Variants in ATRNL1 observed in about 807,000 individuals in gnomAD.
ATRNL1 encodes attractin like 1.
Under a neutral mutation model 182.7 loss-of-function variants are expected in ATRNL1, and 95 were observed. That is an observed-to-expected ratio of 0.52 (90% confidence interval 0.44 to 0.62). The LOEUF is 0.62. Ranked by LOEUF, ATRNL1 falls within the 20% of genes least tolerant of loss-of-function variation. The probability of loss-of-function intolerance (pLI) is 0.00; values close to 1 mark genes in which losing one functional copy is unlikely to be tolerated. For missense variants in ATRNL1, 1,471 were observed against 1,679.5 expected (o/e 0.88, Z 2.17); for synonymous variants, 576 against 568.3 (o/e 1.01, Z -0.19).
At chr10:115,504,811 A>G (rs1192311420) in intron 24 of ATRNL1, among the ~76,000 whole-genome samples, 2 of 152,110 alleles carry the variant, frequency 1.3e-5, no homozygotes, top group African/African-American at 4.8e-5. Flanking sequence ...TAAGCCAATT[A>G]GAGATCTTTT....
In ATRNL1 at chr10:115,571,980, A is replaced by G. The variant is rs1249770266; in HGVS notation, c.3795+22444A>G. Among the ~76,000 whole-genome samples the G allele has an allele frequency of 2.0e-5, 3 of 152,076 alleles. No individual in the cohort carries two copies. The South Asian group carries it at 6.2e-4, about 31-fold the overall frequency. On this transcript the variant is annotated intron_variant, in intron 26 of 28. Transcript: ENST00000355044. ...TATACACACATAGAAAAAGCCATGT[A>G]TTGTATGATGTTTATATGAAATGTG...
At chr10:115,704,811 G>A (rs143792557) in intron 26 of ATRNL1, among the ~76,000 whole-genome samples, 2,660 of 151,870 alleles carry the variant, frequency 0.018, 25 homozygotes, top group Non-Finnish European at 0.025. Context: ...AAATATTGGT[G>A]TCTTTCCATT....
intron 8 of ATRNL1, among the ~76,000 whole-genome samples, chr10:115,209,245 TCTCTTTA>T (rs1158038563): frequency 7.5e-4 from 114 of 151,758 alleles, no homozygotes; most frequent in Non-Finnish European, 1.4e-3. Flanking sequence ...TTTATTTCTT[TCTCTTTA>T]CTTCCTACAT....
intron 28 of ATRNL1, among the ~76,000 whole-genome samples, chr10:115,922,772 ATAAG>A (rs1466882993): frequency 2.6e-5 from 4 of 152,244 alleles, no homozygotes; most frequent in African/African-American, 9.6e-5. Context: ...TAATAAGAAA[ATAAG>A]TAAGGCAAGT....
chr10:115,397,722 G>A (rs782459821), intron 20 of ATRNL1, among the ~76,000 whole-genome samples: 3 of 151,922 alleles, frequency 2.0e-5, no homozygotes, highest in Non-Finnish European at 4.4e-5. Context: ...ATCAATAAAA[G>A]CAAAGAAGTA....
chr10:115,154,369 A>G (rs1292805846), intron 5 of ATRNL1, among the ~76,000 whole-genome samples: 3 of 152,110 alleles, frequency 2.0e-5, no homozygotes, highest in African/African-American at 7.2e-5. Flanking sequence ...GTCTCTAAGG[A>G]CATGCTTTAT....
At chr10:115,623,077 ATAACT>A (rs1565222556) in intron 26 of ATRNL1, among the ~76,000 whole-genome samples, 2 of 152,238 alleles carry the variant, frequency 1.3e-5, no homozygotes, top group East Asian at 3.8e-4. Flanking sequence ...AAATTTTAAC[ATAACT>A]TTCTCAGTAA....
At chr10:115,907,489 C>A (rs1952539955) in intron 28 of ATRNL1, among the ~76,000 whole-genome samples, 1 of 152,020 alleles carries the variant, frequency 6.6e-6, no homozygotes, top group Non-Finnish European at 1.5e-5. Flanking sequence ...AGTTTTTACT[C>A]CAAAATAAGA....
chr10:115,207,969 T>A (rs1184516114), intron 8 of ATRNL1, among the ~76,000 whole-genome samples: 6 of 152,126 alleles, frequency 3.9e-5, no homozygotes, highest in South Asian at 2.1e-4. Flanking sequence ...TATCTCAAAC[T>A]CTTATCACTC....
chr10:115,783,840 C>G (rs528930028), intron 27 of ATRNL1, among the ~76,000 whole-genome samples: 1 of 152,180 alleles, frequency 6.6e-6, no homozygotes, highest in South Asian at 2.1e-4. Context: ...CAGTGTAACC[C>G]CGTCTCTACT....
intron 26 of ATRNL1, among the ~76,000 whole-genome samples, chr10:115,583,105 ATC>A (rs1218379076): frequency 2.7e-5 from 4 of 149,890 alleles, no homozygotes; most frequent in Admixed American, 6.7e-5. Context: ...ATTGATCTAT[ATC>A]TCTGTTTTGG....
At chr10:115,695,779 A>T (rs77632186) in intron 26 of ATRNL1, among the ~76,000 whole-genome samples, 4,549 of 152,286 alleles carry the variant, frequency 0.03, 234 homozygotes, top group African/African-American at 0.1. Context: ...CAATAGTTGA[A>T]GAATGAATGC....
chr10:115,720,101 G>T (rs1947376457), intron 26 of ATRNL1, among the ~76,000 whole-genome samples: 1 of 152,080 alleles, frequency 6.6e-6, no homozygotes, highest in South Asian at 2.1e-4. Flanking sequence ...GACCTCAGGT[G>T]ATCTGCCCGC....
At chr10:115,166,076 C>G (rs1414352555) in intron 7 of ATRNL1, among the ~76,000 whole-genome samples, 1 of 152,028 alleles carries the variant, frequency 6.6e-6, no homozygotes, top group South Asian at 2.1e-4. Flanking sequence ...TTCCCTTATC[C>G]TCTTGAAACC....
At chr10:115,617,473 C>T (rs1174663287) in intron 26 of ATRNL1, among the ~76,000 whole-genome samples, 1 of 152,046 alleles carries the variant, frequency 6.6e-6, no homozygotes, top group Non-Finnish European at 1.5e-5. Context: ...AATTCTAGTG[C>T]CTCAGCCTCC....
At chr10:115,201,049 C>T (rs188001407) in intron 8 of ATRNL1, among the ~76,000 whole-genome samples, 5,113 of 149,988 alleles carry the variant, frequency 0.034, 293 homozygotes, top group African/African-American at 0.12. Context: ...TCTGTTCATA[C>T]CCTTTGGCCA....
chr10:115,356,745 A>G (rs114061036), intron 19 of ATRNL1, among the ~76,000 whole-genome samples: 103 of 151,954 alleles, frequency 6.8e-4, no homozygotes, highest in African/African-American at 2.3e-3. Context: ...TACCTCTTCA[A>G]ACTTTGACTA....
At chr10:115,617,620 G>T (rs1555021250) in intron 26 of ATRNL1, among the ~76,000 whole-genome samples, 1 of 152,060 alleles carries the variant, frequency 6.6e-6, no homozygotes, top group Non-Finnish European at 1.5e-5. Flanking sequence ...AGCCTCCCAA[G>T]GTGCTGGGAT....
At chr10:115,117,336 A>G (rs1446398484) in intron 1 of ATRNL1, among the ~76,000 whole-genome samples, 1 of 151,438 alleles carries the variant, frequency 6.6e-6, no homozygotes, top group African/African-American at 2.4e-5. Context: ...AACCATCCCT[A>G]CCTCCTCCTC....
Sources: allele counts gnomAD v4.1 joint callset (sites outside exome capture counted in the v4.1 genomes callset), GRCh38; gene constraint gnomAD v4.1.1; transcripts MANE v1.5; gene names NCBI Gene and HGNC (gene_info 2026-07-23, HGNC 2026-07-21).